Variants in CHST9 observed in about 807,000 individuals in gnomAD.
The protein encoded by CHST9 is GalNAc-4-sulfotransferase 2.
CHST9 carries 41 observed loss-of-function variants against 44.4 expected under a neutral mutation model. That is an observed-to-expected ratio of 0.92 (90% CI 0.72 to 1.20). The LOEUF (loss-of-function observed/expected upper bound fraction) is 1.20, where lower values mean the gene tolerates loss of function less well. Ranked by LOEUF, CHST9 falls within the 50% of genes most tolerant of loss-of-function variation. CHST9 has a pLI of 0.00. For synonymous variants in CHST9, 171 were observed against 178.4 expected (o/e 0.96, Z 0.33); for missense variants, 504 against 516.5 (o/e 0.98, Z 0.23).
In CHST9 at chr18:26,912,558, C is replaced by T. The variant is rs2055456060; in HGVS notation, c.*3701G>A. On this transcript the variant is annotated 3_prime_UTR_variant, in exon 6 of 6. Coordinates refer to ENST00000618847, the MANE Select transcript of CHST9 (RefSeq NM_031422.6). ...AAGAGTTTGGTAGTGGTATTTGCTGCTTGGCTTCATCCTGGCTTCTGACCT... is the reference window on the plus strand; with the variant it reads ...AAGAGTTTGGTAGTGGTATTTGCTGTTTGGCTTCATCCTGGCTTCTGACCT... 6.6e-6 allele frequency: 1 copy of T among 152,212 alleles called. No homozygotes were observed. The highest frequency in any genetic ancestry group is 6.5e-5 in the Admixed American group (1 of 15,274). The allele number at this position is 152,212 out of a possible 1,614,324, so 9.4% of individuals were successfully genotyped here. A position where few individuals can be genotyped will look rare whatever the true frequency, so the allele number is the denominator to read the frequency against.
rs545167059 is a variant in CHST9 at position 27,017,400 on chromosome 18, G to A, written c.202+6716C>T. Among the ~76,000 whole-genome samples the A allele has an allele frequency of 1.5e-4, 23 of 152,252 alleles. 1 individual carries two copies. The highest frequency in any genetic ancestry group is 1.3e-3 in the Admixed American group (20 of 15,288). On this transcript the variant is annotated intron_variant, in intron 4 of 5. Transcript: ENST00000618847. ...TAATGGATAAGTAATTTGTAATGTAGTCATACAGTAGAATATCACACATCA... is the reference window on the plus strand; with the variant it reads ...TAATGGATAAGTAATTTGTAATGTAATCATACAGTAGAATATCACACATCA...
chr18:26,974,549 T>C (rs1171273184), intron 4 of CHST9, among the ~76,000 whole-genome samples: 2 of 152,230 alleles, frequency 1.3e-5, no homozygotes, highest in African/African-American at 4.8e-5. Context: ...AATTTAAAAA[T>C]TAGTTTCCTT....
At chr18:26,951,505 CCTT>C (rs1218011448) in intron 4 of CHST9, among the ~76,000 whole-genome samples, 1 of 152,168 alleles carries the variant, frequency 6.6e-6, no homozygotes, top group East Asian at 1.9e-4. Flanking sequence ...GGCTAATAGA[CCTT>C]CTTCAGCCAT....
intron 2 of CHST9, among the ~76,000 whole-genome samples, chr18:27,096,497 G>T (rs917292749): frequency 6.6e-6 from 1 of 151,974 alleles, no homozygotes; most frequent in Non-Finnish European, 1.5e-5. Context: ...CCAAAAGTTG[G>T]TTCTCTGAAA....
chr18:26,950,029 T>G (rs2056222494), intron 4 of CHST9, among the ~76,000 whole-genome samples: 1 of 152,216 alleles, frequency 6.6e-6, no homozygotes, highest in African/African-American at 2.4e-5. Flanking sequence ...AACTCTGACC[T>G]TTAGAATTGT....
At chr18:27,137,982 G>T (rs72884368) in intron 2 of CHST9, among the ~76,000 whole-genome samples, 10,280 of 152,088 alleles carry the variant, frequency 0.068, 443 homozygotes, top group East Asian at 0.13. Context: ...TGGTCCTCTG[G>T]GTCCTCTGCA....
intron 4 of CHST9, among the ~76,000 whole-genome samples, chr18:26,980,885 C>T (rs2056683953): frequency 6.6e-6 from 1 of 152,174 alleles, no homozygotes; most frequent in African/African-American, 2.4e-5. Context: ...TATGCTATGT[C>T]CTAAATCCCA....
intron 2 of CHST9, among the ~76,000 whole-genome samples, chr18:27,087,179 T>C (rs2058021231): frequency 6.6e-6 from 1 of 152,198 alleles, no homozygotes; most frequent in Non-Finnish European, 1.5e-5. Context: ...ATTCTTGAAT[T>C]GGACTCTATT....
At chr18:27,025,459 T>G (rs2143470225) in intron 3 of CHST9, among the ~76,000 whole-genome samples, 1 of 152,212 alleles carries the variant, frequency 6.6e-6, no homozygotes, top group Admixed American at 6.5e-5. Flanking sequence ...TTAAGTTATT[T>G]TTTAGCAAAT....
chr18:26,991,728 G>A (rs762844318), intron 4 of CHST9, among the ~76,000 whole-genome samples: 4 of 69,456 alleles, frequency 5.8e-5, no homozygotes, highest in African/African-American at 7.7e-5. Flanking sequence ...GTTTTCTGAG[G>A]AGGAGGGAGT....
intron 2 of CHST9, among the ~76,000 whole-genome samples, chr18:27,137,151 T>G (rs1279587455): frequency 1.3e-5 from 2 of 151,922 alleles, no homozygotes; most frequent in African/African-American, 2.4e-5. Flanking sequence ...CTGATTGTGA[T>G]AATTTTTCTG....
chr18:27,035,627 A>G (rs751056916), intron 3 of CHST9, among the ~76,000 whole-genome samples: 1 of 152,148 alleles, frequency 6.6e-6, no homozygotes, highest in Non-Finnish European at 1.5e-5. Context: ...TCAAAAAAAG[A>G]AGAAAATCCT....
chr18:27,062,431 G>A (rs980977245), intron 2 of CHST9, among the ~76,000 whole-genome samples: 19 of 151,958 alleles, frequency 1.3e-4, no homozygotes, highest in East Asian at 5.8e-4. Context: ...CTCTCCTTGC[G>A]ATAGTTTGCT....
At chr18:27,174,072 A>G (rs1270815510) in intron 1 of CHST9, among the ~76,000 whole-genome samples, 4 of 152,036 alleles carry the variant, frequency 2.6e-5, no homozygotes, top group African/African-American at 9.6e-5. Context: ...TGATGATCAC[A>G]CTCAAGAAAT....
intron 2 of CHST9, among the ~76,000 whole-genome samples, chr18:27,116,123 C>CA (rs2058317773): frequency 6.6e-6 from 1 of 152,084 alleles, no homozygotes; most frequent in African/African-American, 2.4e-5. Context: ...CTTTGAAACA[C>CA]AAAGTTTTTT....
At chr18:27,005,036 G>C (rs2056999739) in intron 4 of CHST9, among the ~76,000 whole-genome samples, 1 of 152,112 alleles carries the variant, frequency 6.6e-6, no homozygotes, top group South Asian at 2.1e-4. Flanking sequence ...AAGAATGACA[G>C]GCTATACTTT....
chr18:27,025,961 T>C (rs992048057), intron 3 of CHST9, among the ~76,000 whole-genome samples: 5 of 152,288 alleles, frequency 3.3e-5, no homozygotes, highest in Middle Eastern at 3.4e-3. Context: ...AACTGGTTAT[T>C]CAAAAAATCT....
intron 4 of CHST9, among the ~76,000 whole-genome samples, chr18:26,984,782 A>T (rs1410900778): frequency 6.6e-6 from 1 of 151,680 alleles, no homozygotes; most frequent in East Asian, 1.9e-4. Context: ...ATTAGTCATG[A>T]GGAAAATAAA....
At chr18:27,149,599 C>CTT (rs60489244) in intron 1 of CHST9, among the ~76,000 whole-genome samples, 23,667 of 142,726 alleles carry the variant, frequency 0.17, 2,068 homozygotes, top group South Asian at 0.28. Context: ...CTATTTTCAG[C>CTT]TTTTTTTTTT....
Sources: allele counts gnomAD v4.1 joint callset (sites outside exome capture counted in the v4.1 genomes callset), GRCh38; gene constraint gnomAD v4.1.1; transcripts MANE v1.5; gene names NCBI Gene and HGNC (gene_info 2026-07-23, HGNC 2026-07-21).